Variants in GRM8 observed in about 807,000 individuals in gnomAD.
The protein encoded by GRM8 is metabotropic glutamate receptor 8.
In GRM8, 47 loss-of-function variants were observed where a neutral mutation model predicts 87.2. The ratio of observed to expected loss-of-function variants is 0.54; its 90% CI spans 0.43 to 0.69. The LOEUF (loss-of-function observed/expected upper bound fraction) is 0.69. Among genes scored for constraint, GRM8 ranks in the 30% least tolerant of loss-of-function variants. The probability of loss-of-function intolerance (pLI) is 0.00; values close to 1 mark genes in which losing one functional copy is unlikely to be tolerated. For synonymous variants in GRM8, 396 were observed against 404.5 expected (o/e 0.98, Z 0.25); for missense variants, 1,019 against 1,139.2 (o/e 0.89, Z 1.52).
At chr7:126,616,833 T>C (rs957295017) in intron 7 of GRM8, among the ~76,000 whole-genome samples, 3 of 152,090 alleles carry the variant, frequency 2.0e-5, no homozygotes, top group Non-Finnish European at 4.4e-5. Flanking sequence ...CAAGAAGAAC[T>C]TGAATCCCTG....
chr7:127,021,049 T>C (rs1391794204), intron 3 of GRM8, among the ~76,000 whole-genome samples: 2 of 152,086 alleles, frequency 1.3e-5, no homozygotes, highest in Non-Finnish European at 2.9e-5. Context: ...TAGTTTTAAA[T>C]GCTTACAAGG....
At position 126,721,717 on chromosome 7, in the gene GRM8, A is replaced by G. The variant is rs538528288; in HGVS notation, c.1357+48148T>C. Among the ~76,000 whole-genome samples, 427 of 152,178 alleles carry G rather than the reference A, an allele frequency of 2.8e-3. 7 individuals are homozygous for G. Among genetic ancestry groups the G allele is most frequent in the African/African-American group, 9.8e-3 (406 of 41,530 alleles). On this transcript the variant is annotated intron_variant, in intron 7 of 10. Transcript: ENST00000339582. ...ATTTAACAAATGTTAATTGAAAATC[A>G]AGCTCTGTCTGTGAAGATGACTTCC... is the stretch of plus-strand genomic sequence containing the variant.
At chr7:126,881,011 A>ATCTGTGCCT (rs1185513953) in intron 6 of GRM8, among the ~76,000 whole-genome samples, 2 of 152,208 alleles carry the variant, frequency 1.3e-5, no homozygotes, top group African/African-American at 4.8e-5. Context: ...GTATTTTCTT[A>ATCTGTGCCT]TCTGTGCCTT....
At chr7:126,446,398 A>G in intron 9 of GRM8, 26 bp from the exon 10 acceptor site, 1 of 1,501,710 alleles carries the variant, frequency 6.7e-7, no homozygotes, top group Non-Finnish European at 9.1e-7. Context: ...AAAAAGAATC[A>G]CTGTTGGTAA....
chr7:127,010,063 G>A (rs1011705243), intron 3 of GRM8, among the ~76,000 whole-genome samples: 4 of 151,866 alleles, frequency 2.6e-5, no homozygotes, highest in Middle Eastern at 6.3e-3. Flanking sequence ...GGCTGGTCTC[G>A]AACTCCTGAC....
intron 7 of GRM8, among the ~76,000 whole-genome samples, chr7:126,610,122 T>C (rs985219608): frequency 1.3e-5 from 2 of 152,228 alleles, no homozygotes; most frequent in African/African-American, 4.8e-5. Context: ...GGTCTAACAG[T>C]GGCAGAGCAG....
rs566086191 is a variant in GRM8 at position 126,980,570 on chromosome 7, G to T, written c.728-75887C>A. The stretch of plus-strand genomic sequence containing the variant: ...TCTGTCCTTGATTCTGTCTTGAAAG[G>T]TTCTCCAAACTTTAACTTTTCAATC... On this transcript the variant is annotated intron_variant, in intron 3 of 10. Coordinates refer to ENST00000339582, the MANE Select transcript of GRM8 (RefSeq NM_000845.3). Among the ~76,000 whole-genome samples the T allele has an allele frequency of 1.3e-3, 196 of 152,222 alleles. 4 individuals are homozygous for T. The South Asian group carries it at 0.04, about 31-fold the overall frequency.
chr7:126,959,775 T>C (rs1212365093), intron 3 of GRM8, among the ~76,000 whole-genome samples: 1 of 152,194 alleles, frequency 6.6e-6, no homozygotes, highest in Non-Finnish European at 1.5e-5. Flanking sequence ...TTTAATTTGA[T>C]CCTAAGTCAT....
At chr7:126,601,331 T>C (rs1452641756) in intron 8 of GRM8, among the ~76,000 whole-genome samples, 2 of 152,110 alleles carry the variant, frequency 1.3e-5, no homozygotes, top group Non-Finnish European at 2.9e-5. Context: ...CAGTCTATCG[T>C]TGTTGGACAT....
In GRM8 at chr7:126,790,077, G is replaced by A. The variant is rs371203163; in HGVS notation, c.1157-20012C>T. ...GGCTGGAGTGCAATGGCACAATCTC[G>A]GCTCACTGCAACCTCTGCCCCACAG... On this transcript the variant is annotated intron_variant, in intron 6 of 10. Transcript: ENST00000339582. Among the ~76,000 whole-genome samples the A allele has an allele frequency of 4.0e-5, 6 of 151,022 alleles. No homozygotes were observed. In the East Asian group the frequency reaches 7.8e-4, roughly 20 times the overall value.
At chr7:127,113,997 G>C (rs891253561) in intron 2 of GRM8, among the ~76,000 whole-genome samples, 1 of 152,080 alleles carries the variant, frequency 6.6e-6, no homozygotes, top group South Asian at 2.1e-4. Context: ...TAAGGAGAGG[G>C]AAAAGAAGAA....
intron 2 of GRM8, among the ~76,000 whole-genome samples, chr7:127,144,460 T>C (rs1828444170): frequency 6.6e-6 from 1 of 152,130 alleles, no homozygotes. Context: ...TATACTGATC[T>C]ATGAGATATC....
chr7:126,949,429 T>A (rs150005321), intron 3 of GRM8, among the ~76,000 whole-genome samples: 38 of 152,348 alleles, frequency 2.5e-4, no homozygotes, highest in African/African-American at 7.2e-4. Context: ...TAAAAAATTT[T>A]AAAGTGATTT....
intron 6 of GRM8, among the ~76,000 whole-genome samples, chr7:126,838,618 C>T (rs1359039239): frequency 1.3e-5 from 2 of 152,184 alleles, no homozygotes; most frequent in Non-Finnish European, 2.9e-5. Context: ...TTTATTAATG[C>T]TAAGAAGCAC....
chr7:126,477,953 C>G (rs547252273), intron 9 of GRM8, among the ~76,000 whole-genome samples: 1 of 152,110 alleles, frequency 6.6e-6, no homozygotes, highest in Admixed American at 6.6e-5. Flanking sequence ...CTGATGGCTC[C>G]AAGCATTCCT....
chr7:126,878,147 C>T (rs1204531), intron 6 of GRM8, among the ~76,000 whole-genome samples: 31,595 of 152,000 alleles, frequency 0.21, 3,657 homozygotes, highest in East Asian at 0.5. Flanking sequence ...CACCCCACAG[C>T]CCCACCACCT....
At chr7:126,569,075 C>G (rs1285720049) in intron 8 of GRM8, among the ~76,000 whole-genome samples, 3 of 152,146 alleles carry the variant, frequency 2.0e-5, no homozygotes, top group African/African-American at 7.2e-5. Flanking sequence ...AAATTCCACT[C>G]TATTATACTT....
intron 8 of GRM8, among the ~76,000 whole-genome samples, chr7:126,564,416 C>T (rs924765571): frequency 1.3e-5 from 2 of 151,734 alleles, no homozygotes; most frequent in African/African-American, 4.9e-5. Flanking sequence ...GCAACTGATG[C>T]CAATGAAATA....
intron 6 of GRM8, among the ~76,000 whole-genome samples, chr7:126,879,245 G>A (rs1799817374): frequency 1.3e-5 from 2 of 151,836 alleles, no homozygotes; most frequent in African/African-American, 2.4e-5. Context: ...TCTAAGGGAG[G>A]GGAAGAGGCA....
Sources: allele counts gnomAD v4.1 joint callset (sites outside exome capture counted in the v4.1 genomes callset), GRCh38; gene constraint gnomAD v4.1.1; transcripts MANE v1.5; gene names NCBI Gene and HGNC (gene_info 2026-07-23, HGNC 2026-07-21).